The following ASDURF variants were observed in gnomAD, a reference collection of about 807,000 sequenced individuals.
ASDURF encodes the protein ASNSD1 upstream open reading frame.
In ASDURF, 3 loss-of-function variants were observed where a neutral mutation model predicts 3.3. That is an observed-to-expected ratio of 0.92 (90% CI 0.42 to 2.37). The LOEUF (loss-of-function observed/expected upper bound fraction) is 2.37. Ranked by LOEUF, ASDURF falls within the 30% of genes most tolerant of loss-of-function variation. The pLI is 0.05. For missense variants in ASDURF, 23 were observed against 25.4 expected (o/e 0.90, Z 0.21); for synonymous variants, 11 against 8.3 (o/e 1.32, Z -0.55).
intron 1 of ASDURF, 71 bp from the exon 2 acceptor site, chr2:189,663,830 C>A (rs79477010): frequency 0.037 from 13,514 of 365,386 alleles, 298 homozygotes; most frequent in South Asian, 0.071. Context: ...TTTAAAACAA[C>A]CCCTTAAGGG....
intron 1 of ASDURF, among the ~76,000 whole-genome samples, chr2:189,662,034 C>G (rs974349814): frequency 6.6e-6 from 1 of 152,144 alleles, no homozygotes; most frequent in Non-Finnish European, 1.5e-5. Flanking sequence ...AAATATGTCC[C>G]TTTATCACCG....
chr2:189,664,956 G>A (rs768229731), intron 2 of ASDURF, among the ~76,000 whole-genome samples: 65 of 152,122 alleles, frequency 4.3e-4, no homozygotes, highest in Non-Finnish European at 5.4e-4. Flanking sequence ...GCAAAGAGAT[G>A]GTAACACCTT....
At chr2:189,662,902 T>C (rs2032699756) in intron 1 of ASDURF, among the ~76,000 whole-genome samples, 1 of 136,902 alleles carries the variant, frequency 7.3e-6, no homozygotes, top group Non-Finnish European at 1.5e-5. Context: ...TGAGCCGTGA[T>C]CGCACCACTG....
At chr2:189,665,648 T>A (rs868279937) in intron 3 of ASDURF, among the ~76,000 whole-genome samples, 197 bp downstream of exon 3, 70 of 127,688 alleles carry the variant, frequency 5.5e-4, no homozygotes, top group African/African-American at 1.9e-3. Flanking sequence ...ATATATATAT[T>A]ATAAATGTTT....
chr2:189,664,944 T>C (rs796976728), intron 2 of ASDURF, among the ~76,000 whole-genome samples: 11 of 152,280 alleles, frequency 7.2e-5, no homozygotes, highest in African/African-American at 2.2e-4. Context: ...TGATTTACAA[T>C]AGCAAAGAGA....
In ASDURF at chr2:189,662,358, G is replaced by A. The variant is rs139337294; in HGVS notation, c.90+748G>A. ...TTTGGTTCTGTCCCAAACTTACAAT[G>A]ACATCTTGGGCAAGTCTCTTTAATC... On this transcript the variant is annotated intron_variant, in intron 1 of 3. Transcript: ENST00000607829. Among the ~76,000 whole-genome samples the A allele has an allele frequency of 9.8e-4, 150 of 152,322 alleles. 1 individual carries two copies. Among genetic ancestry groups the A allele is most frequent in the Middle Eastern group, 3.4e-3 (1 of 294 alleles).
intron 1 of ASDURF, among the ~76,000 whole-genome samples, chr2:189,662,399 CCTT>C (rs1298460141): frequency 1.3e-5 from 2 of 152,166 alleles, no homozygotes; most frequent in Non-Finnish European, 2.9e-5. Context: ...GTATCAGTTA[CCTT>C]CTTTGAAGTA....
intron 3 of ASDURF, among the ~76,000 whole-genome samples, chr2:189,665,712 T>C (rs73979023): frequency 0.094 from 13,646 of 145,150 alleles, 1,122 homozygotes; most frequent in African/African-American, 0.21. Flanking sequence ...GGTCTAAGTA[T>C]GACAAACCAT....
intron 1 of ASDURF, among the ~76,000 whole-genome samples, chr2:189,661,930 A>G (rs186177211): frequency 1.4e-4 from 21 of 152,198 alleles, no homozygotes; most frequent in Admixed American, 3.3e-4. Context: ...TCCATCAAAG[A>G]TATTCTCCAT....
chr2:189,661,610 G>T lies in ASDURF; in HGVS notation c.90G>T (p.Lys30Asn). ...STPHKEDLSSKIKEQKIVVDE... is the reference protein window; with the variant it reads ...STPHKEDLSSNIKEQKIVVDE... ...CACACAAGGAGGATCTAAGCAGCAAGGTGAGTGTGAGACGCGACGAAAAGG... is the reference window on the plus strand; with the variant it reads ...CACACAAGGAGGATCTAAGCAGCAATGTGAGTGTGAGACGCGACGAAAAGG... The change falls in exon 1 of 4, where the codon AAG (lysine) becomes AAT (asparagine). Residue 30 changes from lysine to asparagine, a missense_variant and splice_region_variant. By Grantham distance (94) the Lys-to-Asn change is moderately conservative. Coordinates refer to ENST00000607829, the MANE Select transcript of ASDURF (RefSeq NM_001353493.2). The T allele has an allele frequency of 2.5e-6, 1 of 399,396 alleles. No individual in the cohort carries two copies. Among genetic ancestry groups the T allele is most frequent in the Non-Finnish European group, 4.4e-6 (1 of 226,322 alleles). The allele number at this position is 399,396 out of a possible 1,614,324, so 24.7% of individuals were successfully genotyped here. A position where few individuals can be genotyped will look rare whatever the true frequency, so the allele number is the denominator to read the frequency against.
chr2:189,662,948 CAAAAAAA>C (rs67898532), intron 1 of ASDURF, among the ~76,000 whole-genome samples: 1 of 77,002 alleles, frequency 1.3e-5, no homozygotes, highest in Non-Finnish European at 2.5e-5. Flanking sequence ...GACCCTGTTT[CAAAAAAA>C]AAAAAAAAAA....
intron 2 of ASDURF, among the ~76,000 whole-genome samples, chr2:189,664,341 T>A (rs969509283): frequency 2.0e-5 from 3 of 152,226 alleles, no homozygotes; most frequent in African/African-American, 7.2e-5. Flanking sequence ...CAAAAAAGGA[T>A]ACATTGCTTC....
intron 1 of ASDURF, among the ~76,000 whole-genome samples, chr2:189,662,948 CAAAA>C (rs67898532): frequency 9.1e-5 from 7 of 76,956 alleles, no homozygotes; most frequent in Non-Finnish European, 1.3e-4. Flanking sequence ...GACCCTGTTT[CAAAA>C]AAAAAAAAAA....
chr2:189,664,035 A>G (rs1375937587), intron 2 of ASDURF, 81 bp downstream of exon 2: 1 of 358,024 alleles, frequency 2.8e-6, no homozygotes, highest in African/African-American at 2.1e-5. Flanking sequence ...AGAAGTATAT[A>G]TAAGATTTAA....
chr2:189,663,116 A>T (rs971122409), intron 1 of ASDURF, among the ~76,000 whole-genome samples: 53 of 152,280 alleles, frequency 3.5e-4, no homozygotes, highest in Admixed American at 5.9e-4. Flanking sequence ...ACATAAAATC[A>T]TGAAAATATT....
At chr2:189,665,630 A>ATG (rs1553502080) in intron 3 of ASDURF, among the ~76,000 whole-genome samples, 179 bp downstream of exon 3, 4 of 97,542 alleles carry the variant, frequency 4.1e-5, no homozygotes, top group East Asian at 2.8e-4. Flanking sequence ...ATATATATAT[A>ATG]TATATATATA....
At chr2:189,665,928 G>A (rs1371941923) in intron 3 of ASDURF, 113 bp from the exon 4 acceptor site, 3 of 495,756 alleles carry the variant, frequency 6.1e-6, no homozygotes, top group Non-Finnish European at 1.0e-5. Flanking sequence ...GGCACAGTGT[G>A]TGTGTTTATA....
At chr2:189,664,918 A>G (rs190263546) in intron 2 of ASDURF, among the ~76,000 whole-genome samples, 1 of 152,230 alleles carries the variant, frequency 6.6e-6, no homozygotes, top group Non-Finnish European at 1.5e-5. Flanking sequence ...AGTTACAAAG[A>G]TAATCATCAC....
At chr2:189,665,045 A>G (rs541772183) in intron 2 of ASDURF, among the ~76,000 whole-genome samples, 9 of 152,344 alleles carry the variant, frequency 5.9e-5, no homozygotes, top group Admixed American at 3.9e-4. Flanking sequence ...TTTGGTCACC[A>G]TAGCTTGCTT....
Sources: gnomAD v4.1 joint callset for allele counts (sites outside exome capture counted in the v4.1 genomes callset) on GRCh38, gnomAD v4.1.1 for gene constraint, MANE v1.5 for transcripts, NCBI Gene and HGNC (gene_info 2026-07-23, HGNC 2026-07-21) for gene names.